The following NXPH1 variants were observed in gnomAD, a reference collection of about 807,000 sequenced individuals.
The protein encoded by NXPH1 is neurexophilin 1, also known as neurexophilin-1.
NXPH1 carries 5 observed loss-of-function variants against 23.7 expected under a neutral mutation model. That is an observed-to-expected ratio of 0.21 (90% CI 0.11 to 0.44). The LOEUF (loss-of-function observed/expected upper bound fraction) is 0.44. Ranked by LOEUF, NXPH1 falls within the 20% of genes least tolerant of loss-of-function variation. NXPH1 has a pLI of 0.99. For missense variants in NXPH1, 324 were observed against 321.6 expected, an observed-to-expected ratio of 1.01 and a Z score of -0.06; for synonymous variants, 144 against 122.2, an observed-to-expected ratio of 1.18 and a Z score of -1.18.
At chr7:8,718,400 G>A (rs1779912044) in intron 2 of NXPH1, among the ~76,000 whole-genome samples, 1 of 152,146 alleles carries the variant, frequency 6.6e-6, no homozygotes, top group Non-Finnish European at 1.5e-5. Context: ...TTTCATTTCA[G>A]AGCTAACATG....
chr7:8,438,415 T>G (rs1283175513), intron 2 of NXPH1, among the ~76,000 whole-genome samples: 2 of 152,230 alleles, frequency 1.3e-5, no homozygotes, highest in African/African-American at 4.8e-5. Flanking sequence ...ATTATTTTAA[T>G]TTTCTCTTGA....
intron 2 of NXPH1, among the ~76,000 whole-genome samples, chr7:8,446,708 T>G (rs1222629618): frequency 6.6e-6 from 1 of 152,166 alleles, no homozygotes; most frequent in Non-Finnish European, 1.5e-5. Context: ...TGTTACATAG[T>G]GTATAGATCT....
rs60436502 is a variant in NXPH1 at position 8,483,965 on chromosome 7, C to CTTTTTTTTTTTTTTTTTTTTTTTT, written c.54+48215_54+48216insTTTTTTTTTTTTTTTTTTTTTTTT. ...CTAGAATAAATAACACTCCCCCCAC[C>CTTTTTTTTTTTTTTTTTTTTTTTT]TTTTTTTTTTTTTTTTTAAGAAGTA... is the stretch of plus-strand genomic sequence containing the variant. On this transcript the variant is annotated intron_variant, in intron 2 of 2. Transcript: ENST00000405863. Among the ~76,000 whole-genome samples, 16 of 132,320 alleles carry CTTTTTTTTTTTTTTTTTTTTTTTT rather than the reference C, an allele frequency of 1.2e-4. 1 individual carries two copies. Among genetic ancestry groups the CTTTTTTTTTTTTTTTTTTTTTTTT allele is most frequent in the African/African-American group, 4.7e-4 (15 of 32,044 alleles). 86.8% of individuals were successfully genotyped at this position (132,320 alleles called of 152,430 possible).
At chr7:8,603,019 C>T (rs1373123774) in intron 2 of NXPH1, among the ~76,000 whole-genome samples, 1 of 152,232 alleles carries the variant, frequency 6.6e-6, no homozygotes, top group East Asian at 1.9e-4. Flanking sequence ...CCATGTCGGT[C>T]AGGTTGGTCT....
At chr7:8,596,671 G>A (rs556149154) in intron 2 of NXPH1, among the ~76,000 whole-genome samples, 21 of 152,128 alleles carry the variant, frequency 1.4e-4, no homozygotes, top group Admixed American at 4.6e-4. Context: ...GCTCTCTAAG[G>A]TATATATTAT....
intron 2 of NXPH1, among the ~76,000 whole-genome samples, chr7:8,672,954 G>A (rs1387433137): frequency 6.6e-6 from 1 of 152,142 alleles, no homozygotes; most frequent in East Asian, 1.9e-4. Context: ...ACCTGGATTG[G>A]AATCTTGCTT....
chr7:8,661,453 C>T (rs1820669166), intron 2 of NXPH1, among the ~76,000 whole-genome samples: 1 of 152,042 alleles, frequency 6.6e-6, no homozygotes, highest in South Asian at 2.1e-4. Context: ...TTTGTTGTTG[C>T]TGTTTTTCTG....
rs779201330 is a variant in NXPH1 at position 8,702,443 on chromosome 7, C to T, written c.55-48565C>T. Among the ~76,000 whole-genome samples, 3 of 152,118 alleles carry T rather than the reference C, an allele frequency of 2.0e-5. 1 individual carries two copies. Among genetic ancestry groups the T allele is most frequent in the Non-Finnish European group, 4.4e-5 (3 of 68,002 alleles). On this transcript the variant is annotated intron_variant, in intron 2 of 2. Transcript: ENST00000405863. ...TTCTGATGTCCTATCATTCCCCATG[C>T]TCTGTCCTTGGATTCACATTACTGC...
chr7:8,611,573 G>A (rs1190185513), intron 2 of NXPH1, among the ~76,000 whole-genome samples: 1 of 152,114 alleles, frequency 6.6e-6, no homozygotes, highest in Admixed American at 6.6e-5. Flanking sequence ...AAAATCCTAA[G>A]TATTTGATGT....
At chr7:8,477,729 A>T (rs1203248994) in intron 2 of NXPH1, among the ~76,000 whole-genome samples, 2 of 152,086 alleles carry the variant, frequency 1.3e-5, no homozygotes, top group African/African-American at 2.4e-5. Context: ...CACATAGATG[A>T]GTGTTTAATG....
At chr7:8,536,393 G>A (rs1818026508) in intron 2 of NXPH1, among the ~76,000 whole-genome samples, 1 of 152,012 alleles carries the variant, frequency 6.6e-6, no homozygotes, top group Admixed American at 6.6e-5. Flanking sequence ...GCATTGTGTA[G>A]CTAGCAATGT....
At chr7:8,552,114 C>CAAAAAAA (rs34390317) in intron 2 of NXPH1, among the ~76,000 whole-genome samples, 3 of 61,748 alleles carry the variant, frequency 4.9e-5, no homozygotes, top group African/African-American at 1.4e-4. Context: ...GAAAAAAAAC[C>CAAAAAAA]AAAAAAAAAA....
chr7:8,531,938 C>T (rs979298057), intron 2 of NXPH1, among the ~76,000 whole-genome samples: 23 of 152,172 alleles, frequency 1.5e-4, no homozygotes, highest in African/African-American at 5.5e-4. Flanking sequence ...CTATTTGTAT[C>T]TGATCCTTCG....
intron 2 of NXPH1, among the ~76,000 whole-genome samples, chr7:8,505,497 C>A (rs2128613184): frequency 6.6e-6 from 1 of 152,160 alleles, no homozygotes; most frequent in East Asian, 1.9e-4. Context: ...GACTGGATTT[C>A]TGAGCCACTC....
intron 2 of NXPH1, among the ~76,000 whole-genome samples, chr7:8,462,000 C>T (rs532502944): frequency 6.6e-6 from 1 of 152,098 alleles, no homozygotes; most frequent in Non-Finnish European, 1.5e-5. Flanking sequence ...AAAAACATTA[C>T]TCTTTTAAAT....
At chr7:8,597,541 T>A (rs1207823284) in intron 2 of NXPH1, among the ~76,000 whole-genome samples, 1 of 152,054 alleles carries the variant, frequency 6.6e-6, no homozygotes, top group Admixed American at 6.6e-5. Flanking sequence ...TTTTCTTTAA[T>A]GTACATTTGT....
chr7:8,730,199 C>G (rs1230218658), intron 2 of NXPH1, among the ~76,000 whole-genome samples: 1 of 149,290 alleles, frequency 6.7e-6, no homozygotes. Flanking sequence ...CTTGGTAGAT[C>G]TGCCTCCATC....
chr7:8,582,501 G>A (rs566166856), intron 2 of NXPH1, among the ~76,000 whole-genome samples: 23 of 152,248 alleles, frequency 1.5e-4, no homozygotes, highest in South Asian at 8.3e-4. Context: ...AGGTTGTCCC[G>A]ACGAGTGTCC....
Position 8,545,392 on chromosome 7 carries a change from A to G in NXPH1, c.54+109625A>G, listed in dbSNP as rs575260718. 2.0e-5 allele frequency among the ~76,000 whole-genome samples: 3 copies of G among 151,634 alleles called. No individual in the cohort carries two copies. In the South Asian group the frequency reaches 6.2e-4, roughly 31 times the overall value. On this transcript the variant is annotated intron_variant, in intron 2 of 2. Coordinates refer to ENST00000405863, the MANE Select transcript of NXPH1 (RefSeq NM_152745.3). The stretch of plus-strand genomic sequence containing the variant: ...GCTCAAAATAAAATATTTTTAAGCA[A>G]AAAGATGAAAAATAGTATTAGAAAA...
Sources: allele counts gnomAD v4.1 joint callset (sites outside exome capture counted in the v4.1 genomes callset), GRCh38; gene constraint gnomAD v4.1.1; transcripts MANE v1.5; gene names NCBI Gene and HGNC (gene_info 2026-07-23, HGNC 2026-07-21).